Variants in SPTBN4 observed in about 807,000 individuals in gnomAD.
SPTBN4 encodes the protein spectrin beta chain, non-erythrocytic 4.
A neutral mutation model predicts 277.8 loss-of-function variants in SPTBN4; 96 were observed. That is an observed-to-expected ratio of 0.35 (90% CI 0.29 to 0.41). The LOEUF is 0.41. SPTBN4 is among the 10% of genes least tolerant of loss of function. The pLI, the probability that SPTBN4 is intolerant of heterozygous loss-of-function variation, is 1.00. For synonymous variants in SPTBN4, 1,481 were observed against 1,580.3 expected (o/e 0.94, Z 1.49); for missense variants, 3,006 against 3,595.7 (o/e 0.84, Z 4.19).
intron 2 of SPTBN4, among the ~76,000 whole-genome samples, chr19:40,473,841 T>C (rs555255870): frequency 6.6e-6 from 1 of 151,888 alleles, no homozygotes; most frequent in African/African-American, 2.4e-5. Context: ...TTCTTAGACC[T>C]CTTGAAATGA....
chr19:40,552,019 A>C (rs1426354245), intron 22 of SPTBN4, among the ~76,000 whole-genome samples: 1 of 151,514 alleles, frequency 6.6e-6, no homozygotes, highest in African/African-American at 2.4e-5. Flanking sequence ...ACATCGATTA[A>C]AGATTTACTA....
chr19:40,469,781 T>C (rs1423629543), intron 1 of SPTBN4, among the ~76,000 whole-genome samples: 1 of 151,010 alleles, frequency 6.6e-6, no homozygotes, highest in African/African-American at 2.4e-5. Context: ...GTAGCTGGGA[T>C]TACAGGCATG....
chr19:40,551,346 C>T (rs1178933340), intron 22 of SPTBN4, among the ~76,000 whole-genome samples: 1 of 151,726 alleles, frequency 6.6e-6, no homozygotes, highest in African/African-American at 2.4e-5. Context: ...CCTTGAACAC[C>T]CCACTGCACT....
intron 18 of SPTBN4, chr19:40,530,662 C>A: frequency 1.3e-6 from 1 of 764,708 alleles, no homozygotes; most frequent in Non-Finnish European, 1.6e-6. Flanking sequence ...GGCTCGGGCG[C>A]GTGCCCGCCC....
chr19:40,529,414 C>A (rs112098210), intron 18 of SPTBN4, among the ~76,000 whole-genome samples: 2 of 152,200 alleles, frequency 1.3e-5, no homozygotes, highest in Non-Finnish European at 2.9e-5. Flanking sequence ...CTGATCTCAC[C>A]TTTCTCTCCT....
At chr19:40,488,926 G>A (rs1238095932) in intron 3 of SPTBN4, among the ~76,000 whole-genome samples, 1 of 152,054 alleles carries the variant, frequency 6.6e-6, no homozygotes, top group East Asian at 1.9e-4. Flanking sequence ...GCCTCCCAAA[G>A]TGCTGGGATT....
At chr19:40,509,085 C>CT (rs35597606) in intron 13 of SPTBN4, among the ~76,000 whole-genome samples, 3,670 of 100,202 alleles carry the variant, frequency 0.037, 211 homozygotes, top group African/African-American at 0.11. Flanking sequence ...TTGTTTATTG[C>CT]TTTTTTTTTT....
intron 17 of SPTBN4, among the ~76,000 whole-genome samples, chr19:40,523,977 A>G (rs2080559755): frequency 6.6e-6 from 1 of 151,894 alleles, no homozygotes; most frequent in South Asian, 2.1e-4. Context: ...TAATTTTTGT[A>G]TTTTTAGTAG....
At chr19:40,513,823 C>T (rs1419359424) in intron 14 of SPTBN4, among the ~76,000 whole-genome samples, 3 of 152,156 alleles carry the variant, frequency 2.0e-5, no homozygotes, top group Middle Eastern at 3.4e-3. Flanking sequence ...GAAGCAAATG[C>T]CTGGGGGTAG....
chr19:40,493,305 G>A (rs2080159056), intron 5 of SPTBN4, among the ~76,000 whole-genome samples: 1 of 152,114 alleles, frequency 6.6e-6, no homozygotes, highest in Non-Finnish European at 1.5e-5. Context: ...GAGTGCAGTG[G>A]CATGCACTGA....
chr19:40,552,582 A>G (rs2080931075), intron 22 of SPTBN4, among the ~76,000 whole-genome samples: 1 of 152,002 alleles, frequency 6.6e-6, no homozygotes, highest in African/African-American at 2.4e-5. Context: ...TATTGTCATT[A>G]TCCTCATTTC....
At chr19:40,497,656 C>A in intron 7 of SPTBN4, 52 bp downstream of exon 7, 2 of 1,439,876 alleles carry the variant, frequency 1.4e-6, no homozygotes, top group Non-Finnish European at 1.9e-6. Flanking sequence ...ACTCCCAACC[C>A]CAATGCCATG....
At chr19:40,496,692 C>G (rs1293195909) in intron 6 of SPTBN4, among the ~76,000 whole-genome samples, 3 of 152,170 alleles carry the variant, frequency 2.0e-5, no homozygotes, top group African/African-American at 7.2e-5. Context: ...GGCTCAAGCT[C>G]TGATGAACTG....
At position 40,565,485 on chromosome 19, in the gene SPTBN4, C is replaced by T. The variant is rs765019377; in HGVS notation, c.5978C>T (p.Ala1993Val). The change falls in exon 28 of 36, where the codon GCG becomes GTG. Residue 1993 changes from alanine to valine, a missense_variant. Ala to Val is a moderately conservative substitution (Grantham distance 64). This residue lies in a region of SPTBN4 where 425 missense variants were observed against 594.7 expected (regional missense o/e 0.71). Transcript: ENST00000598249. ...CAGGGCCTGAAGACTGAGCTGGAGG[C>T]GCGGGTGCCTGAGCTGACCACCTGC... ...YHQGLKTELE[A>V]RVPELTTCQE... 52 of 1,613,962 alleles carry T rather than the reference C, an allele frequency of 3.2e-5. No homozygotes were observed. Among genetic ancestry groups the T allele is most frequent in the South Asian group, 6.6e-5 (6 of 91,084 alleles).
chr19:40,511,249 CAA>C (rs113715245), intron 13 of SPTBN4, among the ~76,000 whole-genome samples: 11 of 150,654 alleles, frequency 7.3e-5, no homozygotes, highest in African/African-American at 2.7e-4. Flanking sequence ...ACTAAAAATA[CAA>C]AAAAAAATTA....
At chr19:40,536,144 G>A (rs2080733093) in intron 20 of SPTBN4, among the ~76,000 whole-genome samples, 1 of 151,786 alleles carries the variant, frequency 6.6e-6, no homozygotes, top group Non-Finnish European at 1.5e-5. Flanking sequence ...TGGCCAATGG[G>A]GTCAGTTCGT....
Position 40,502,757 on chromosome 19 carries a change from TC to T in SPTBN4, c.1204-16del. The T allele has an allele frequency of 6.2e-7, 1 of 1,611,892 alleles. No homozygotes were observed. The highest frequency in any genetic ancestry group is 1.1e-5 in the South Asian group (1 of 90,848). On this transcript the variant is annotated splice_polypyrimidine_tract_variant and intron_variant, in intron 10 of 35. Transcript: ENST00000598249. The surrounding 1 kb of genome is among the most constrained non-coding windows in gnomAD (Gnocchi z 4.9). ...GGGGAGCTGTCAGAGTCTGAGTGCC[TC>T]CTCCCATCTCCTGCAGGCATGGGGT...
chr19:40,547,186 C>A (rs1188074871), intron 20 of SPTBN4, among the ~76,000 whole-genome samples: 9 of 122,712 alleles, frequency 7.3e-5, no homozygotes, highest in African/African-American at 1.8e-4. Context: ...CCCCTCCCCC[C>A]ACCCCATGAC....
At position 40,557,321 on chromosome 19, in the gene SPTBN4, C is replaced by T. The variant is rs140466069; in HGVS notation, c.5588C>T (p.Pro1863Leu). ...AGGCGGCTGCCCCGCCTGACCACCC[C>T]GCCTGAGCCGAGACCCAGTGCCAGT... is the stretch of plus-strand genomic sequence containing the variant. ...KRRRLPRLTT[P>L]PEPRPSASSM... Residue 1863 changes from proline to leucine, a missense_variant, in exon 26 of 36, where the codon CCG (proline) becomes CTG (leucine). Physicochemically the swap from Pro to Leu is moderately conservative, Grantham distance 98. Around this residue, in one of 5 missense-constraint regions of SPTBN4, gnomAD observed 425 missense variants for 594.7 expected, o/e 0.71. Transcript: ENST00000598249. The T allele has an allele frequency of 4.3e-6, 7 of 1,613,170 alleles. No individual in the cohort carries two copies. The highest frequency in any genetic ancestry group is 1.7e-4 in the Middle Eastern group (1 of 6,054).
Sources: gnomAD v4.1 joint callset for allele counts (sites outside exome capture counted in the v4.1 genomes callset) on GRCh38, gnomAD v4.1.1 for gene constraint, gnomAD v4.1.1 regional missense constraint, Gnocchi (gnomAD v3.1) non-coding constraint, MANE v1.5 for transcripts, NCBI Gene and HGNC (gene_info 2026-07-23, HGNC 2026-07-21) for gene names.